Variants in CNIH3 observed in about 807,000 individuals in gnomAD.
The protein encoded by CNIH3 is cornichon family AMPA receptor auxiliary protein 3.
In CNIH3, 14 loss-of-function variants were observed where a neutral mutation model predicts 24.1. The observed-to-expected ratio is 0.58, with a 90% CI of 0.38 to 0.91. The LOEUF is 0.91. Among genes scored for constraint, CNIH3 ranks in the 40% least tolerant of loss-of-function variants. CNIH3 has a pLI of 0.00. For missense variants in CNIH3, 178 were observed against 196.8 expected (o/e 0.90, Z 0.57); for synonymous variants, 68 against 73.8 (o/e 0.92, Z 0.40).
intron 5 of CNIH3, among the ~76,000 whole-genome samples, chr1:224,586,963 G>T (rs1681537166): frequency 6.6e-6 from 1 of 152,172 alleles, no homozygotes; most frequent in African/African-American, 2.4e-5. Flanking sequence ...CTGACACCTT[G>T]ATTTTAGACT....
chr1:224,701,623 A>G (rs568907695), intron 3 of CNIH3, among the ~76,000 whole-genome samples: 97 of 152,306 alleles, frequency 6.4e-4, no homozygotes, highest in African/African-American at 2.2e-3. Flanking sequence ...CTCGCAACAG[A>G]GGCTTAAGTG....
chr1:224,656,397 C>T (rs754889314), intron 1 of CNIH3, among the ~76,000 whole-genome samples: 10 of 152,118 alleles, frequency 6.6e-5, no homozygotes, highest in African/African-American at 1.9e-4. Flanking sequence ...TCCAAGAGAA[C>T]GATCCTAAGC....
At chr1:224,498,917 A>ATGGGAGCTC (rs1159020894) in intron 1 of CNIH3, among the ~76,000 whole-genome samples, 1 of 152,206 alleles carries the variant, frequency 6.6e-6, no homozygotes, top group Non-Finnish European at 1.5e-5. Context: ...GGATCTGAGG[A>ATGGGAGCTC]TGGGAGCTCT....
chr1:224,533,253 A>G (rs541882295), intron 2 of CNIH3, among the ~76,000 whole-genome samples: 1 of 151,778 alleles, frequency 6.6e-6, no homozygotes, highest in Non-Finnish European at 1.5e-5. Context: ...TACAAAAAAA[A>G]AAAATAAAAT....
At chr1:224,546,321 T>C (rs1022124166) in intron 2 of CNIH3, among the ~76,000 whole-genome samples, 2 of 152,082 alleles carry the variant, frequency 1.3e-5, no homozygotes, top group Non-Finnish European at 2.9e-5. Flanking sequence ...ACTGAAATGG[T>C]TTGCAAACAA....
chr1:224,552,506 T>G (rs920139938), intron 3 of CNIH3, among the ~76,000 whole-genome samples: 3 of 151,690 alleles, frequency 2.0e-5, no homozygotes, highest in African/African-American at 4.8e-5. Context: ...ACTGTGATAT[T>G]AGCAGTAATA....
intron 4 of CNIH3, among the ~76,000 whole-genome samples, chr1:224,733,866 C>T (rs1371025725): frequency 6.6e-6 from 1 of 152,212 alleles, no homozygotes. Context: ...GAGGCTCAGA[C>T]TCCTGCCCCA....
intron 1 of CNIH3, among the ~76,000 whole-genome samples, chr1:224,626,959 T>C (rs1181576673): frequency 6.6e-6 from 1 of 152,172 alleles, no homozygotes; most frequent in Non-Finnish European, 1.5e-5. Context: ...CAAACTTGTG[T>C]GGGTTGTTTG....
intron 1 of CNIH3, among the ~76,000 whole-genome samples, chr1:224,509,976 T>C (rs955766727): frequency 1.1e-4 from 17 of 152,188 alleles, no homozygotes; most frequent in African/African-American, 3.6e-4. Context: ...GCACGAACCA[T>C]AGAGGAAGCT....
chr1:224,640,195 CAT>C (rs1491582876), intron 1 of CNIH3, among the ~76,000 whole-genome samples: 3 of 151,928 alleles, frequency 2.0e-5, no homozygotes, highest in African/African-American at 4.9e-5. Context: ...TCTCGCTATT[CAT>C]GTGTGTGTGT....
intron 1 of CNIH3, among the ~76,000 whole-genome samples, chr1:224,499,901 CAAA>C (rs58546932): frequency 1.7e-5 from 2 of 120,840 alleles, no homozygotes. Flanking sequence ...CTATCTCTAC[CAAA>C]AAAAAAAAAA....
At chr1:224,543,410 T>C (rs1392162972) in intron 2 of CNIH3, among the ~76,000 whole-genome samples, 4 of 152,196 alleles carry the variant, frequency 2.6e-5, no homozygotes, top group Non-Finnish European at 1.5e-5. Flanking sequence ...CTGTGAGTCA[T>C]TCTAACAATT....
intron 3 of CNIH3, among the ~76,000 whole-genome samples, chr1:224,598,452 G>GTTAATAT (rs1197531800): frequency 3.3e-5 from 5 of 152,156 alleles, no homozygotes; most frequent in African/African-American, 1.2e-4. Flanking sequence ...ACATAAACTT[G>GTTAATAT]GTTAATAAAG....
rs139177025 is a variant in CNIH3, at chr1:224,624,435, A to T, written c.81+7180A>T. Among the ~76,000 whole-genome samples the T allele has an allele frequency of 2.2e-3, 332 of 151,578 alleles. 2 individuals carry two copies. Among genetic ancestry groups the T allele is most frequent in the African/African-American group, 7.1e-3 (294 of 41,294 alleles). ...CATGGGGCCACCTGCCCCATGCCCC[A>T]CAGTTGGATCCCAGCCGAGCTTGTC... On this transcript the variant is annotated intron_variant, in intron 1 of 5. Coordinates refer to ENST00000272133, the MANE Select transcript of CNIH3 (RefSeq NM_152495.2).
intron 1 of CNIH3, among the ~76,000 whole-genome samples, chr1:224,676,299 A>G (rs1686136334): frequency 6.6e-6 from 1 of 152,186 alleles, no homozygotes; most frequent in Non-Finnish European, 1.5e-5. Flanking sequence ...TGGAGAAGGC[A>G]AAACTAGAGG....
At chr1:224,701,439 G>A (rs1372030238) in intron 3 of CNIH3, among the ~76,000 whole-genome samples, 2 of 152,058 alleles carry the variant, frequency 1.3e-5, no homozygotes, top group Non-Finnish European at 2.9e-5. Flanking sequence ...CTTACATGGT[G>A]GAGGGGCAAG....
intron 1 of CNIH3, among the ~76,000 whole-genome samples, chr1:224,493,976 T>C (rs116251740): frequency 0.013 from 1,939 of 152,308 alleles, 32 homozygotes; most frequent in African/African-American, 0.041. Context: ...GACAATACAC[T>C]TGAAGGTATT....
Position 224,548,342 on chromosome 1 carries a change from G to A in CNIH3, n.450+1403G>A, listed in dbSNP as rs539051304. Among the ~76,000 whole-genome samples the A allele has an allele frequency of 4.1e-4, 63 of 151,864 alleles. 1 individual carries two copies. Among genetic ancestry groups the A allele is most frequent in the African/African-American group, 1.4e-3 (60 of 41,404 alleles). On this transcript the variant is annotated intron_variant and non_coding_transcript_variant, in intron 3 of 5. Transcript: ENST00000471578. ...GGGAGACATTACTTTCAATATCACA[G>A]TGGGTGTACACCCTGTGATATGATT...
downstream of CNIH3, among the ~76,000 whole-genome samples, chr1:224,541,203 G>A (rs1028722261): frequency 3.3e-5 from 5 of 152,194 alleles, no homozygotes; most frequent in Non-Finnish European, 7.3e-5. Context: ...ATTTAATTAA[G>A]GGCTGAAAAT....
Sources: allele counts gnomAD v4.1 joint callset (sites outside exome capture counted in the v4.1 genomes callset), GRCh38; gene constraint gnomAD v4.1.1; transcripts MANE v1.5; gene names NCBI Gene and HGNC (gene_info 2026-07-23, HGNC 2026-07-21).